The following PAXIP1 variants were observed in gnomAD, a reference collection of about 807,000 sequenced individuals.
PAXIP1 encodes PAX-interacting protein 1.
PAXIP1 carries 19 observed loss-of-function variants against 140.6 expected under a neutral mutation model. That is an observed-to-expected ratio of 0.14 (90% confidence interval 0.09 to 0.20). The LOEUF (loss-of-function observed/expected upper bound fraction) is 0.20, where lower values mean the gene tolerates loss of function less well. PAXIP1 is among the 10% of genes least tolerant of loss of function. The pLI, the probability that PAXIP1 is intolerant of heterozygous loss-of-function variation, is 1.00. For missense variants in PAXIP1, 920 were observed against 1,208.6 expected, an observed-to-expected ratio of 0.76 and a Z score of 3.54; for synonymous variants, 442 against 444.6, an observed-to-expected ratio of 0.99 and a Z score of 0.07.
Position 154,957,312 on chromosome 7 carries a change from T to A in PAXIP1, c.2479-18A>T. 1 of 1,453,156 alleles carries A rather than the reference T, an allele frequency of 6.9e-7. No homozygotes were observed. The highest frequency in any genetic ancestry group is 1.2e-5 in the South Asian group (1 of 82,670). The allele number at this position is 1,453,156 out of a possible 1,614,324, so 90.0% of individuals were successfully genotyped here. A position where few individuals can be genotyped will look rare whatever the true frequency, so the allele number is the denominator to read the frequency against. ...CTTATACTCTGCAATTAAAATATTG[T>A]CGACTTTAATTCAATCAATCTACTA... On this transcript the variant is annotated intron_variant, in intron 13 of 20. Transcript: ENST00000404141.
intron 2 of PAXIP1, among the ~76,000 whole-genome samples, chr7:154,995,204 G>A (rs904711532): frequency 2.6e-4 from 40 of 152,194 alleles, no homozygotes; most frequent in African/African-American, 9.4e-4. Flanking sequence ...ATGGGTGAAG[G>A]TCTGATTCTT....
intron 2 of PAXIP1, among the ~76,000 whole-genome samples, chr7:154,995,518 A>G (rs1810543062): frequency 6.6e-6 from 1 of 152,238 alleles, no homozygotes; most frequent in African/African-American, 2.4e-5. Flanking sequence ...AAGCAAAGTG[A>G]TAAGGAACTA....
rs767393974 is a variant in PAXIP1, at chr7:154,968,870, G to A, written c.1331C>T (p.Pro444Leu). 10 of 880,478 alleles carry A rather than the reference G, an allele frequency of 1.1e-5. No homozygotes were observed. The highest frequency in any genetic ancestry group is 2.1e-4 in the Middle Eastern group (1 of 4,698). The allele number at this position is 880,478 out of a possible 1,614,324, so 54.5% of individuals were successfully genotyped here. A position where few individuals can be genotyped will look rare whatever the true frequency, so the allele number is the denominator to read the frequency against. ...CTGTTGCTGTGAAAATGGATGCGGC[G>A]GCTGCTGGGGGTAAGGTTGCTGAGA... Reference protein sequence around the residue: ...QISQQPYPQQPPHPFSQQQQQ... With the variant: ...QISQQPYPQQLPHPFSQQQQQ... The change falls in exon 7 of 21, where the codon CCG becomes CTG. Residue 444 changes from proline (P) to leucine (L), a missense_variant. This residue lies in a region of PAXIP1 where 133 missense variants were observed against 88.4 expected (regional missense o/e 1.50). Coordinates refer to ENST00000404141, the MANE Select transcript of PAXIP1 (RefSeq NM_007349.4).
intron 5 of PAXIP1, among the ~76,000 whole-genome samples, chr7:154,981,163 C>A (rs536032513): frequency 6.6e-6 from 1 of 151,924 alleles, no homozygotes; most frequent in African/African-American, 2.4e-5. Context: ...GTGTACAGAA[C>A]GGGGTTAGAG....
At position 154,968,567 on chromosome 7, in the gene PAXIP1, TGCTGCTGCTGGTGCATGCGCTGGA is replaced by T; in HGVS notation, c.1610_1633del (p.Leu537_Gln544del). 2 of 721,896 alleles carry T rather than the reference TGCTGCTGCTGGTGCATGCGCTGGA, an allele frequency of 2.8e-6. No individual in the cohort carries two copies. 44.7% of individuals were successfully genotyped at this position (721,896 alleles called of 1,614,324 possible). ...TGTCTGACTTTGCATCTGCTGCTGCTGCTGCTGCTGGTGCATGCGCTGGAGCTGCTGCTGCTGAATCTGCTGTTG... is the reference window on the plus strand; with the variant it reads ...TGTCTGACTTTGCATCTGCTGCTGCTGCTGCTGCTGCTGAATCTGCTGTTG... On this transcript the variant is annotated inframe_deletion, in exon 7 of 21. Coordinates refer to ENST00000404141, the MANE Select transcript of PAXIP1 (RefSeq NM_007349.4).
chr7:154,987,752 C>T (rs1436994617), intron 4 of PAXIP1, among the ~76,000 whole-genome samples: 1 of 152,180 alleles, frequency 6.6e-6, no homozygotes, highest in Non-Finnish European at 1.5e-5. Flanking sequence ...GGATCTGGCA[C>T]AGGGAGGTAT....
intron 6 of PAXIP1, 76 bp downstream of exon 6, chr7:154,975,620 A>T: frequency 9.5e-7 from 1 of 1,052,504 alleles, no homozygotes; most frequent in Non-Finnish European, 1.4e-6. Flanking sequence ...CAAAACCAAT[A>T]AACTACATTG....
chr7:155,000,905 A>G (rs1179817875), intron 1 of PAXIP1: 1 of 152,204 alleles, frequency 6.6e-6, no homozygotes, highest in African/African-American at 2.4e-5. Flanking sequence ...ACTGAGTGAC[A>G]TTTCAGTGGT....
intron 13 of PAXIP1, among the ~76,000 whole-genome samples, chr7:154,958,958 A>T (rs1446333428): frequency 6.6e-6 from 1 of 152,242 alleles, no homozygotes; most frequent in African/African-American, 2.4e-5. Flanking sequence ...AAGCTAGGAA[A>T]ACAATACATC....
chr7:154,968,726 T>G lies in PAXIP1; in HGVS notation c.1475A>C (p.Gln492Pro), dbSNP rs779064733. 2 of 718,512 alleles carry G rather than the reference T, an allele frequency of 2.8e-6. No individual in the cohort carries two copies. The highest frequency in any genetic ancestry group is 2.3e-4 in the Middle Eastern group (1 of 4,364). 44.5% of individuals were successfully genotyped at this position (718,512 alleles called of 1,614,324 possible). The change falls in exon 7 of 21, where the codon CAG becomes CCG. Residue 492 changes from glutamine (Q) to proline (P), a missense_variant. Gln to Pro is a moderately conservative substitution (Grantham distance 76). Transcript: ENST00000404141. ...CTGCTGCTGCAGGGCATGCTGCTGC[T>G]GAAAGGGCTGGAGCTGCTGCTGAGG... ...HRPQQQLQPF[Q>P]QQHALQQQFH...
intron 20 of PAXIP1, 50 bp from the exon 21 acceptor site, chr7:154,944,214 A>G (rs1440902278): frequency 1.9e-6 from 3 of 1,553,828 alleles, no homozygotes; most frequent in Non-Finnish European, 1.8e-6. Context: ...AAAGAAAAAC[A>G]TGAAACCAAG....
intron 6 of PAXIP1, among the ~76,000 whole-genome samples, 163 bp from the exon 7 acceptor site, chr7:154,969,289 G>T (rs1809186174): frequency 6.6e-6 from 1 of 152,186 alleles, no homozygotes; most frequent in African/African-American, 2.4e-5. Flanking sequence ...ATTTTCTTTT[G>T]TATTTATTTT....
At position 154,968,486 on chromosome 7, in the gene PAXIP1, T is replaced by C. The variant is rs1352102752; in HGVS notation, c.1715A>G (p.Gln572Arg). 6 of 1,144,024 alleles carry C rather than the reference T, an allele frequency of 5.2e-6. No homozygotes were observed. In the Admixed American group the frequency reaches 9.9e-5, roughly 19 times the overall value. The allele number at this position is 1,144,024 out of a possible 1,614,324, so 70.9% of individuals were successfully genotyped here. A position where few individuals can be genotyped will look rare whatever the true frequency, so the allele number is the denominator to read the frequency against. ...QALQHQVPPQ[Q>R]PPQQQQQQQP... is the part of the protein sequence containing the mutation. ...CTGTTGCTGCTGCTGCTGCGGGGGC[T>C]GCTGAGGTGGAACCTGATGCTGCAG... is the stretch of plus-strand genomic sequence containing the variant. The change falls in exon 7 of 21, where the codon CAG (glutamine) becomes CGG (arginine). Residue 572 changes from glutamine to arginine, a missense_variant. Transcript: ENST00000404141.
intron 2 of PAXIP1, among the ~76,000 whole-genome samples, chr7:154,998,058 G>C (rs186067972): frequency 6.6e-6 from 1 of 152,214 alleles, no homozygotes; most frequent in Non-Finnish European, 1.5e-5. Flanking sequence ...GTGGTAACGT[G>C]GGACGAGTTC....
In PAXIP1 at chr7:154,963,927, T is replaced by C. The variant is rs1808882157; in HGVS notation, c.1894-161A>G. 5.1e-6 allele frequency: 3 copies of C among 592,698 alleles called. No individual in the cohort carries two copies. The highest frequency in any genetic ancestry group is 4.5e-4 in the Middle Eastern group (1 of 2,208). 36.7% of individuals were successfully genotyped at this position (592,698 alleles called of 1,614,324 possible). A position where few individuals can be genotyped will look rare whatever the true frequency, so the allele number is the denominator to read the frequency against. On this transcript the variant is annotated intron_variant, in intron 8 of 20. Transcript: ENST00000404141. This position sits in a 1 kb window ranked among gnomAD's most constrained non-coding sequence, Gnocchi z 4.1. ...TAACAGTTCTATTTACGGACTTTTC[T>C]ACCCAGCACCATACAATGAAAATGA...
At position 154,961,007 on chromosome 7, in the gene PAXIP1, C is replaced by T. The variant is rs1808732980; in HGVS notation, c.2320G>A (p.Asp774Asn). Residue 774 changes from aspartate to asparagine, a missense_variant, in exon 12 of 21, where the codon GAC becomes AAC. Physicochemically the swap from Asp to Asn is conservative, Grantham distance 23. Around this residue, in one of 5 missense-constraint regions of PAXIP1, gnomAD observed 303 missense variants for 517.9 expected, o/e 0.59. Transcript: ENST00000404141. ...IPCVNAQWLG[D>N]ILLGNFEALR... ...GCCTCAAAGTTTCCCAGAAGAATGT[C>T]GCCAAGCCACTGGGCGTTGACACAG... The T allele has an allele frequency of 1.9e-6, 3 of 1,600,266 alleles. No individual in the cohort carries two copies. The highest frequency in any genetic ancestry group is 2.6e-6 in the Non-Finnish European group (3 of 1,173,262).
rs749770706 is a variant in PAXIP1 at position 154,946,569 on chromosome 7, A to C, written c.3076T>G (p.Leu1026Val). Residue 1026 changes from leucine (L) to valine (V), a missense_variant, in exon 19 of 21, where the codon TTA (leucine) becomes GTA (valine). By Grantham distance (32) the Leu-to-Val change is conservative. This residue lies in a region of PAXIP1 where 303 missense variants were observed against 517.9 expected (regional missense o/e 0.59). Coordinates refer to ENST00000404141, the MANE Select transcript of PAXIP1 (RefSeq NM_007349.4). The surrounding 1 kb of genome is among the most constrained non-coding windows in gnomAD (Gnocchi z 4.9). The stretch of plus-strand genomic sequence containing the variant: ...TGAAGGTCATTTTCACAGGATATTA[A>C]AATTATTTCCGACAAACTCTAAGGA... ...KQNSSLSEIILISCENDLHLC... is the reference protein window; with the variant it reads ...KQNSSLSEIIVISCENDLHLC... 3.7e-6 allele frequency: 6 copies of C among 1,613,844 alleles called. No homozygotes were observed. The African/African-American group carries it at 8.0e-5, about 22-fold the overall frequency.
chr7:154,972,215 G>A (rs1005935084), intron 6 of PAXIP1, among the ~76,000 whole-genome samples: 5 of 152,158 alleles, frequency 3.3e-5, no homozygotes, highest in Non-Finnish European at 7.3e-5. Context: ...GGCCAGGCAC[G>A]GTGGCTCACA....
chr7:154,998,615 G>C, intron 2 of PAXIP1, 35 bp downstream of exon 2: 1 of 1,583,416 alleles, frequency 6.3e-7, no homozygotes, highest in Non-Finnish European at 8.6e-7. Context: ...AGATACTGAG[G>C]AAAAGATATA....
Sources: gnomAD v4.1 joint callset for allele counts (sites outside exome capture counted in the v4.1 genomes callset) on GRCh38, gnomAD v4.1.1 for gene constraint, gnomAD v4.1.1 regional missense constraint, Gnocchi (gnomAD v3.1) non-coding constraint, MANE v1.5 for transcripts, NCBI Gene and HGNC (gene_info 2026-07-23, HGNC 2026-07-21) for gene names.